Variants in VPS13C observed in about 807,000 individuals in gnomAD.
VPS13C encodes intermembrane lipid transfer protein VPS13C.
A neutral mutation model predicts 456.8 loss-of-function variants in VPS13C; 358 were observed. That is an observed-to-expected ratio of 0.78 (90% confidence interval 0.72 to 0.86). The LOEUF (loss-of-function observed/expected upper bound fraction) is 0.86. VPS13C is among the 40% of genes least tolerant of loss of function. The pLI, the probability that VPS13C is intolerant of heterozygous loss-of-function variation, is 0.00. For synonymous variants in VPS13C, 1,578 were observed against 1,486.7 expected (o/e 1.06, Z -1.41); for missense variants, 4,818 against 4,385.4 (o/e 1.10, Z -2.79).
intron 66 of VPS13C, among the ~76,000 whole-genome samples, chr15:61,905,015 T>G (rs1478853660): frequency 6.6e-6 from 1 of 152,036 alleles, no homozygotes; most frequent in Non-Finnish European, 1.5e-5. Context: ...AGTTGGTTAA[T>G]GGGTACAAAA....
At chr15:61,945,692 T>A in intron 45 of VPS13C, 23 bp downstream of exon 45, 1 of 1,554,474 alleles carries the variant, frequency 6.4e-7, no homozygotes, top group East Asian at 2.3e-5. Flanking sequence ...CAGTGAGGAA[T>A]AAATATATTT....
rs147029383 is a variant in VPS13C, at chr15:61,925,528, T to C, written c.6537A>G (p.Leu2179=). The C allele has an allele frequency of 1.4e-5, 23 of 1,603,870 alleles. No homozygotes were observed. The highest frequency in any genetic ancestry group is 1.8e-5 in the Non-Finnish European group (21 of 1,175,530). ...AAGCCCACGTACATTTTTCCATAAA[T>C]AAAGAACAGGGCTGCAAGACCTATA... The part of the protein sequence containing the change: ...NITTVLQPCS[L]FMEKCTWASG... Residue 2179 remains leucine (L), a synonymous_variant, in exon 53 of 85, where the codon TTA becomes TTG. Transcript: ENST00000644861.
rs188871920 is a variant in VPS13C, at chr15:61,913,997, A to G, written c.8446-582T>C. 9.5e-4 allele frequency among the ~76,000 whole-genome samples: 145 copies of G among 152,330 alleles called. 1 individual carries two copies. Among genetic ancestry groups the G allele is most frequent in the African/African-American group, 3.4e-3 (142 of 41,566 alleles). On this transcript the variant is annotated intron_variant, in intron 61 of 84. Transcript: ENST00000644861. Reference sequence around the variant, plus strand: ...ATGCTATAGAGGTGAGAGGATAAATAGTTTACTTCTGGTTCTGGGATTTAG... The same window carrying G: ...ATGCTATAGAGGTGAGAGGATAAATGGTTTACTTCTGGTTCTGGGATTTAG...
At chr15:61,946,771 A>C (rs2044620273) in intron 43 of VPS13C, among the ~76,000 whole-genome samples, 1 of 152,038 alleles carries the variant, frequency 6.6e-6, no homozygotes, top group Non-Finnish European at 1.5e-5. Flanking sequence ...GGAAGACAAT[A>C]TTTGTTAAAC....
In VPS13C at chr15:61,946,411, C is replaced by A; in HGVS notation, c.4877-1G>T. The stretch of plus-strand genomic sequence containing the variant: ...TTCACAGAAATAGAGGCATCCATTC[C>A]TATAGGAAACATAACATTTATAAAC... On this transcript the variant is annotated splice_acceptor_variant, in intron 43 of 84. Coordinates refer to ENST00000644861, the MANE Select transcript of VPS13C (RefSeq NM_020821.3). LOFTEE classifies it high-confidence loss of function. The A allele has an allele frequency of 6.3e-7, 1 of 1,590,398 alleles. No individual in the cohort carries two copies. The highest frequency in any genetic ancestry group is 8.5e-7 in the Non-Finnish European group (1 of 1,171,030).
At chr15:61,958,326 T>C (rs1328422638) in intron 37 of VPS13C, among the ~76,000 whole-genome samples, 3 of 152,104 alleles carry the variant, frequency 2.0e-5, no homozygotes, top group Admixed American at 6.6e-5. Flanking sequence ...GCAATTTCAA[T>C]GATTATTTCA....
At chr15:61,987,104 A>G (rs1266457484) in intron 18 of VPS13C, among the ~76,000 whole-genome samples, 1 of 152,116 alleles carries the variant, frequency 6.6e-6, no homozygotes, top group African/African-American at 2.4e-5. Context: ...TAATTTACAG[A>G]TTCAATGTAA....
chr15:61,983,967 C>G lies in VPS13C; in HGVS notation c.1767G>C (p.Gln589His). 1 of 1,614,114 alleles carries G rather than the reference C, an allele frequency of 6.2e-7. No individual in the cohort carries two copies. Among genetic ancestry groups the G allele is most frequent in the East Asian group, 2.2e-5 (1 of 44,864 alleles). ...CCACAAGTGATGGCACAATATCCTG[C>G]TGTCTCAAACCTGTTATATACCAGT... ...LEHWYITGLR[Q>H]QDIVPSLVAS... is the part of the protein sequence containing the mutation. Residue 589 changes from glutamine (Q) to histidine (H), a missense_variant, in exon 20 of 85, where the codon CAG (glutamine) becomes CAC (histidine). Around this residue, in one of 3 missense-constraint regions of VPS13C, gnomAD observed 4,552 missense variants for 4,130.6 expected, o/e 1.10. Transcript: ENST00000644861.
At chr15:61,958,739 A>AC (rs1323637819) in intron 36 of VPS13C, 23 bp from the exon 37 acceptor site, 1 of 1,278,698 alleles carries the variant, frequency 7.8e-7, no homozygotes, top group African/African-American at 1.6e-5. Flanking sequence ...ATGTTAAAAA[A>AC]AAAACTATAT....
At chr15:62,042,736 A>T (rs2048280212) in intron 2 of VPS13C, among the ~76,000 whole-genome samples, 1 of 152,038 alleles carries the variant, frequency 6.6e-6, no homozygotes, top group Admixed American at 6.5e-5. Flanking sequence ...AATTTGGTTT[A>T]ACTGGGGAAA....
Position 61,966,067 on chromosome 15 carries a change from T to C in VPS13C, c.3051+16A>G. 6.3e-7 allele frequency: 1 copy of C among 1,593,166 alleles called. No individual in the cohort carries two copies. Among genetic ancestry groups the C allele is most frequent in the Non-Finnish European group, 8.6e-7 (1 of 1,166,542 alleles). On this transcript the variant is annotated intron_variant, in intron 30 of 84. Transcript: ENST00000644861. ...TATTTTCAAACAGGATAAATTCCTT[T>C]AACAGAATTTCTTACCTTAACTGTT... is the stretch of plus-strand genomic sequence containing the variant.
chr15:61,893,958 CT>C (rs1244369253), intron 66 of VPS13C, among the ~76,000 whole-genome samples: 6 of 151,986 alleles, frequency 3.9e-5, no homozygotes, highest in Non-Finnish European at 8.8e-5. Context: ...AGAAAAACCA[CT>C]TAACCACTAA....
At chr15:62,013,844 T>C (rs2047130939) in intron 10 of VPS13C, 89 bp downstream of exon 10, 2 of 960,460 alleles carry the variant, frequency 2.1e-6, no homozygotes, top group African/African-American at 3.3e-5. Context: ...CACACTCCAA[T>C]GGCATATTCT....
rs562692807 is a variant in VPS13C, at chr15:61,900,176, G to A, written c.9105+7088C>T. 5.3e-5 allele frequency among the ~76,000 whole-genome samples: 8 copies of A among 152,168 alleles called. 1 individual carries two copies. The South Asian group carries it at 1.7e-3, about 32-fold the overall frequency. ...ATATCATACTGAATGGGCAAAAACT[G>A]GAAGCATTCCCTTTGAAAACTGGCA... On this transcript the variant is annotated intron_variant, in intron 66 of 84. Coordinates refer to ENST00000644861, the MANE Select transcript of VPS13C (RefSeq NM_020821.3).
At chr15:61,992,776 T>C (rs568165309) in intron 16 of VPS13C, among the ~76,000 whole-genome samples, 5 of 152,158 alleles carry the variant, frequency 3.3e-5, no homozygotes, top group Admixed American at 2.0e-4. Flanking sequence ...AAAAGAATCA[T>C]CTAGAAGCTT....
intron 6 of VPS13C, among the ~76,000 whole-genome samples, chr15:62,026,596 GT>G (rs934341092): frequency 1.3e-5 from 2 of 151,998 alleles, no homozygotes; most frequent in African/African-American, 4.8e-5. Context: ...ATGATAGTCT[GT>G]GATTCTTCCC....
At chr15:62,038,346 T>G (rs1316456443) in intron 3 of VPS13C, among the ~76,000 whole-genome samples, 1 of 152,164 alleles carries the variant, frequency 6.6e-6, no homozygotes, top group Non-Finnish European at 1.5e-5. Flanking sequence ...CCCAGCATTT[T>G]GGGAGGCCGA....
chr15:61,904,852 C>T (rs972731116), intron 66 of VPS13C, among the ~76,000 whole-genome samples: 2 of 151,450 alleles, frequency 1.3e-5, no homozygotes, highest in African/African-American at 2.4e-5. Flanking sequence ...GACTGGAGGT[C>T]ATTATGTTAA....
chr15:61,873,254 AG>A lies in VPS13C; in HGVS notation c.10569del (p.Leu3525CysfsTer8). 1 of 1,613,466 alleles carries A rather than the reference AG, an allele frequency of 6.2e-7. No homozygotes were observed. ...FGDSLARGGK[G>X]FLRGVVGGVT... is the part of the protein sequence containing the mutation. ...TTCAGCAAAGAACTTACTCGCAGAA[AG>A]CCCTTTCCTCCTCTGGCCAGGCTGT... On this transcript the variant is annotated frameshift_variant, in exon 78 of 85. Coordinates refer to ENST00000644861, the MANE Select transcript of VPS13C (RefSeq NM_020821.3). LOFTEE classifies it high-confidence loss of function.
Sources: gnomAD v4.1 joint callset for allele counts (sites outside exome capture counted in the v4.1 genomes callset) on GRCh38, gnomAD v4.1.1 for gene constraint, gnomAD v4.1.1 regional missense constraint, MANE v1.5 for transcripts, NCBI Gene and HGNC (gene_info 2026-07-23, HGNC 2026-07-21) for gene names.